The following GREB1 variants were observed in gnomAD, a reference collection of about 807,000 sequenced individuals.
GREB1 encodes the protein protein GREB1.
In GREB1, 106 loss-of-function variants were observed where a neutral mutation model predicts 200.7. The ratio of observed to expected loss-of-function variants is 0.53; its 90% confidence interval spans 0.45 to 0.62. The LOEUF (loss-of-function observed/expected upper bound fraction) is 0.62, where lower values mean the gene tolerates loss of function less well. GREB1 is among the 20% of genes least tolerant of loss of function. The pLI, the probability that GREB1 is intolerant of heterozygous loss-of-function variation, is 0.00. For missense variants in GREB1, 2,243 were observed against 2,556.8 expected (o/e 0.88, Z 2.65); for synonymous variants, 1,132 against 1,092.4 (o/e 1.04, Z -0.72).
chr2:11,597,764 T>G lies in GREB1; in HGVS notation c.1955-17T>G, dbSNP rs1446610171. ...GTGCCCTGGAGCTCACCTGGCATCC[T>G]GGGGCTCTGGTTCCAGGTTACAATC... On this transcript the variant is annotated splice_polypyrimidine_tract_variant and intron_variant, in intron 13 of 32. Transcript: ENST00000381486. The surrounding 1 kb of genome is among the most constrained non-coding windows in gnomAD (Gnocchi z 4.1). The G allele has an allele frequency of 3.1e-6, 5 of 1,612,932 alleles. No individual in the cohort carries two copies. In the African/African-American group the frequency reaches 6.7e-5, roughly 22 times the overall value.
chr2:11,600,543 G>T (rs1440634619), intron 15 of GREB1, among the ~76,000 whole-genome samples: 1 of 152,178 alleles, frequency 6.6e-6, no homozygotes, highest in African/African-American at 2.4e-5. Context: ...GAAGGAGTGT[G>T]TGTCTTGTAA....
chr2:11,545,873 T>A (rs545292998), intron 1 of GREB1, among the ~76,000 whole-genome samples: 96 of 151,888 alleles, frequency 6.3e-4, no homozygotes, highest in Non-Finnish European at 1.1e-3. Context: ...GGGGTTTGTG[T>A]CGCTAAAGAA....
chr2:11,483,158 G>T (rs909050123), intron 1 of GREB1, among the ~76,000 whole-genome samples: 20 of 152,022 alleles, frequency 1.3e-4, no homozygotes. Context: ...CCTGGGTGCT[G>T]CCGCTGCCGT....
At chr2:11,587,640 C>T (rs1475406752) in intron 9 of GREB1, 17 of 1,387,978 alleles carry the variant, frequency 1.2e-5, no homozygotes, top group South Asian at 3.1e-5. Context: ...AACACACAGC[C>T]GAAGTCAGAA....
At chr2:11,525,779 G>C (rs1052295146) in intron 1 of GREB1, among the ~76,000 whole-genome samples, 1 of 152,250 alleles carries the variant, frequency 6.6e-6, no homozygotes, top group African/African-American at 2.4e-5. Flanking sequence ...TCATATGCCT[G>C]GTTCTGAACG....
intron 1 of GREB1, among the ~76,000 whole-genome samples, chr2:11,538,688 T>A (rs1674439990): frequency 1.6e-5 from 1 of 62,564 alleles, no homozygotes; most frequent in Admixed American, 1.9e-4. Flanking sequence ...TTTCTTTCTT[T>A]CCTTCCTCCC....
chr2:11,527,070 A>G (rs1265163519), intron 1 of GREB1, among the ~76,000 whole-genome samples: 2 of 152,210 alleles, frequency 1.3e-5, no homozygotes, highest in Non-Finnish European at 1.5e-5. Context: ...TATGATTTAG[A>G]TAGCCCAATT....
chr2:11,516,546 A>G (rs1218094809), intron 1 of GREB1, among the ~76,000 whole-genome samples: 1 of 152,150 alleles, frequency 6.6e-6, no homozygotes, highest in Non-Finnish European at 1.5e-5. Flanking sequence ...GGAGCTAATA[A>G]GTGACTCTTC....
chr2:11,631,989 A>G lies in GREB1; in HGVS notation c.4692A>G (p.Ala1564=), dbSNP rs375695114. ...HEHGLFNLYH[A]MDGASHLHVL... is the part of the protein sequence containing the mutation. ...ATGGGCTCTTTAATCTGTACCACGC[A>G]ATGGACGGTGCCAGCCATTTGCACG... The change falls in exon 27 of 33, where the codon GCA becomes GCG. Residue 1564 remains alanine (A), a synonymous_variant. Coordinates refer to ENST00000381486, the MANE Select transcript of GREB1 (RefSeq NM_014668.4). 1.9e-5 allele frequency: 30 copies of G among 1,613,942 alleles called. No individual in the cohort carries two copies. Among genetic ancestry groups the G allele is most frequent in the Admixed American group, 8.3e-5 (5 of 59,994 alleles).
chr2:11,589,679 G>A (rs752641040), intron 10 of GREB1, among the ~76,000 whole-genome samples: 3 of 152,210 alleles, frequency 2.0e-5, no homozygotes, highest in Non-Finnish European at 4.4e-5. Context: ...ACGCAGTGGC[G>A]GAAATGGAGA....
intron 1 of GREB1, among the ~76,000 whole-genome samples, chr2:11,522,384 AG>A (rs907993119): frequency 2.0e-5 from 3 of 152,160 alleles, no homozygotes; most frequent in African/African-American, 7.2e-5. Context: ...GTTAAAGTAG[AG>A]TGTTTTTGCA....
At chr2:11,545,762 C>G (rs1263345637) in intron 1 of GREB1, among the ~76,000 whole-genome samples, 1 of 152,102 alleles carries the variant, frequency 6.6e-6, no homozygotes, top group Non-Finnish European at 1.5e-5. Context: ...AGTTTTAGGA[C>G]TGTGATGAAG....
chr2:11,557,888 T>A (rs1054512816), intron 2 of GREB1, among the ~76,000 whole-genome samples: 3 of 152,134 alleles, frequency 2.0e-5, no homozygotes, highest in Non-Finnish European at 4.4e-5. Context: ...TGTGATTTTA[T>A]GGGGAGCCGA....
intron 4 of GREB1, among the ~76,000 whole-genome samples, chr2:11,574,686 A>G (rs1273039069): frequency 1.3e-5 from 2 of 152,212 alleles, no homozygotes; most frequent in African/African-American, 4.8e-5. Flanking sequence ...GATTTGAACA[A>G]TTGGCCTCTC....
intron 17 of GREB1, among the ~76,000 whole-genome samples, chr2:11,604,970 A>T (rs1682114157): frequency 6.6e-6 from 1 of 152,054 alleles, no homozygotes; most frequent in African/African-American, 2.4e-5. Flanking sequence ...CAAAAGATCT[A>T]GACCTTTGAC....
chr2:11,485,546 T>C (rs1436166014), intron 1 of GREB1, among the ~76,000 whole-genome samples: 1 of 152,154 alleles, frequency 6.6e-6, no homozygotes, highest in Non-Finnish European at 1.5e-5. Flanking sequence ...AGTGCTGGGA[T>C]TACAGGTGAG....
Position 11,618,707 on chromosome 2 carries a change from C to G in GREB1, c.3832C>G (p.Pro1278Ala). 1 of 1,613,590 alleles carries G rather than the reference C, an allele frequency of 6.2e-7. No homozygotes were observed. Among genetic ancestry groups the G allele is most frequent in the Non-Finnish European group, 8.5e-7 (1 of 1,179,806 alleles). Residue 1278 changes from proline to alanine, a missense_variant, in exon 22 of 33, where the codon CCC becomes GCC. By Grantham distance (27) the Pro-to-Ala change is conservative. Transcript: ENST00000381486. ...TGTGTCCACTGACAGCAGTGGCCTG[C>G]CCAAGGCCGCCTCCCTCCTGCCCTC... ...MVVSTDSSGL[P>A]KAASLLPSPS...
upstream of GREB1, among the ~76,000 whole-genome samples, chr2:11,532,383 T>C (rs541453899): frequency 5.3e-5 from 8 of 152,284 alleles, no homozygotes; most frequent in African/African-American, 7.2e-5. Flanking sequence ...GTGTGAATGG[T>C]TTCCTTGATC....
chr2:11,488,512 CG>C (rs1672707646), intron 1 of GREB1, among the ~76,000 whole-genome samples: 1 of 151,992 alleles, frequency 6.6e-6, no homozygotes. Context: ...GGAAAGAGGC[CG>C]GGTGCAGTGG....
Sources: gnomAD v4.1 joint callset for allele counts (sites outside exome capture counted in the v4.1 genomes callset) on GRCh38, gnomAD v4.1.1 for gene constraint, Gnocchi (gnomAD v3.1) non-coding constraint, MANE v1.5 for transcripts, NCBI Gene and HGNC (gene_info 2026-07-23, HGNC 2026-07-21) for gene names.